The following FAM151B variants were observed in gnomAD, a reference collection of about 807,000 sequenced individuals.
FAM151B encodes the protein family with sequence similarity 151 member B.
Under a neutral mutation model 31.2 loss-of-function variants are expected in FAM151B, and 24 were observed. The ratio of observed to expected loss-of-function variants is 0.77; its 90% CI spans 0.56 to 1.08. The LOEUF (loss-of-function observed/expected upper bound fraction) is 1.08, where lower values mean the gene tolerates loss of function less well. Ranked by LOEUF, FAM151B falls within the 50% of genes least tolerant of loss-of-function variation. The pLI, the probability that FAM151B is intolerant of heterozygous loss-of-function variation, is 0.00. For synonymous variants in FAM151B, 105 were observed against 111.4 expected, an observed-to-expected ratio of 0.94 and a Z score of 0.36; for missense variants, 293 against 328.6, an observed-to-expected ratio of 0.89 and a Z score of 0.84.
At position 80,522,074 on chromosome 5, in the gene FAM151B, G is replaced by C; in HGVS notation, c.607G>C (p.Val203Leu). Residue 203 changes from valine to leucine, a missense_variant, in exon 5 of 6, where the codon GTC becomes CTC. Val to Leu is a conservative substitution (Grantham distance 32). Coordinates refer to ENST00000282226, the MANE Select transcript of FAM151B (RefSeq NM_205548.3). ...NELSQPVTFPVRAALVRQSCS... is the reference protein window; with the variant it reads ...NELSQPVTFPLRAALVRQSCS... ...ACTAAGTCAGCCTGTAACGTTCCCT[G>C]TCAGAGCAGCATTAGTCAGGCAGTC... 3 of 1,613,234 alleles carry C rather than the reference G, an allele frequency of 1.9e-6. No homozygotes were observed. Among genetic ancestry groups the C allele is most frequent in the Non-Finnish European group, 2.5e-6 (3 of 1,179,360 alleles).
At chr5:80,498,593 A>C in intron 1 of FAM151B, 1 of 1,061,316 alleles carries the variant, frequency 9.4e-7, no homozygotes, top group South Asian at 1.2e-5. Context: ...AATGTCTGTC[A>C]AAGTAGCTTG....
In FAM151B at chr5:80,514,874, G is replaced by A. The variant is rs891330383; in HGVS notation, c.317+1105G>A. 3.9e-5 allele frequency among the ~76,000 whole-genome samples: 6 copies of A among 152,142 alleles called. No individual in the cohort carries two copies. The East Asian group carries it at 1.2e-3, about 29-fold the overall frequency. ...TTATACCGTTAGTGAATGAATAGAT[G>A]TATAAAATCTTGATATACAGGAGTT... On this transcript the variant is annotated intron_variant, in intron 3 of 5. Coordinates refer to ENST00000282226, the MANE Select transcript of FAM151B (RefSeq NM_205548.3).
intron 1 of FAM151B, among the ~76,000 whole-genome samples, chr5:80,495,557 G>A (rs1413363952): frequency 1.3e-5 from 2 of 152,130 alleles, no homozygotes; most frequent in African/African-American, 4.8e-5. Flanking sequence ...AGGGCAGGGC[G>A]CAGCGGCTCA....
chr5:80,501,813 T>C lies in FAM151B; in HGVS notation c.47T>C (p.Leu16Pro), dbSNP rs1743760041. 1.9e-6 allele frequency: 3 copies of C among 1,602,020 alleles called. No individual in the cohort carries two copies. The highest frequency in any genetic ancestry group is 2.6e-6 in the Non-Finnish European group (3 of 1,172,062). The change falls in exon 2 of 6, where the codon CTG becomes CCG. Residue 16 changes from leucine to proline, a missense_variant. Coordinates refer to ENST00000282226, the MANE Select transcript of FAM151B (RefSeq NM_205548.3). ...GGPGSWSENI[L>P]EYFLRNSQIT... ...TTAGGATCTTGGAGTGAAAATATAC[T>C]GGAATATTTTCTGAGAAATAGCCAG...
chr5:80,498,388 A>T, intron 1 of FAM151B: 1 of 341,480 alleles, frequency 2.9e-6, no homozygotes, highest in East Asian at 6.7e-5. Context: ...TATGTTAGTT[A>T]GAATTTGTCT....
chr5:80,500,710 G>C (rs918618965), intron 1 of FAM151B: 1 of 825,490 alleles, frequency 1.2e-6, no homozygotes, highest in Admixed American at 1.7e-5. Flanking sequence ...AGCTCAACAG[G>C]CTTCAGTTAA....
At position 80,514,476 on chromosome 5, in the gene FAM151B, A is replaced by AAATAATAAT. The variant is rs139355800; in HGVS notation, c.317+745_317+753dup. 2.5e-3 allele frequency among the ~76,000 whole-genome samples: 353 copies of AAATAATAAT among 139,338 alleles called. 1 individual carries two copies. Among genetic ancestry groups the AAATAATAAT allele is most frequent in the African/African-American group, 5.9e-3 (224 of 37,992 alleles). 91.4% of individuals were successfully genotyped at this position (139,338 alleles called of 152,430 possible). On this transcript the variant is annotated intron_variant, in intron 3 of 5. Transcript: ENST00000282226. ...GGCTACAAGAGTGAAACTCCCTCTC[A>AAATAATAAT]AATAATAATAATAATAATAATAATA...
intron 1 of FAM151B, among the ~76,000 whole-genome samples, chr5:80,494,464 C>CTTTTCT (rs375414697): frequency 0.012 from 531 of 45,336 alleles, 11 homozygotes; most frequent in African/African-American, 0.041. Flanking sequence ...TCTTTTCTTT[C>CTTTTCT]TTTCTTTCTT....
At chr5:80,516,216 C>T (rs982237761) in intron 3 of FAM151B, among the ~76,000 whole-genome samples, 4 of 152,142 alleles carry the variant, frequency 2.6e-5, no homozygotes. Flanking sequence ...CCCAGCTATT[C>T]GGAAGGCTGA....
chr5:80,528,941 T>G lies in FAM151B; in HGVS notation c.671+6803T>G, dbSNP rs916440586. 2.6e-5 allele frequency among the ~76,000 whole-genome samples: 4 copies of G among 152,170 alleles called. No homozygotes were observed. In the East Asian group the frequency reaches 7.7e-4, roughly 29 times the overall value. ...CAGATCAACAAAATATACATTCTTC[T>G]CAGCACCACATCGCATTTATTCCAA... is the stretch of plus-strand genomic sequence containing the variant. On this transcript the variant is annotated intron_variant, in intron 5 of 5. Transcript: ENST00000282226.
intron 1 of FAM151B, 117 bp downstream of exon 1, chr5:80,488,265 C>A: frequency 7.9e-7 from 1 of 1,273,148 alleles, no homozygotes; most frequent in Non-Finnish European, 1.0e-6. Flanking sequence ...TGGGAGCGCG[C>A]CGCGCAGAAC....
At chr5:80,531,272 G>A (rs558220329) in intron 5 of FAM151B, among the ~76,000 whole-genome samples, 1 of 152,080 alleles carries the variant, frequency 6.6e-6, no homozygotes. Context: ...TAGACCTAAA[G>A]CCATAAAAAC....
At chr5:80,536,669 A>T (rs1358254515) in intron 5 of FAM151B, among the ~76,000 whole-genome samples, 1 of 152,192 alleles carries the variant, frequency 6.6e-6, no homozygotes, top group Non-Finnish European at 1.5e-5. Context: ...AGATGAATAG[A>T]TTAAAGTATA....
intron 1 of FAM151B, among the ~76,000 whole-genome samples, chr5:80,495,806 G>A (rs900186884): frequency 8.3e-6 from 1 of 121,016 alleles, no homozygotes; most frequent in Non-Finnish European, 1.6e-5. Context: ...ACTCCAGCCT[G>A]GGCGAAAGAG....
intron 1 of FAM151B, among the ~76,000 whole-genome samples, chr5:80,497,062 C>T (rs1235936923): frequency 1.3e-5 from 2 of 151,804 alleles, no homozygotes; most frequent in Admixed American, 6.6e-5. Flanking sequence ...CTGCCCACCT[C>T]GACCTCCCAA....
intron 5 of FAM151B, among the ~76,000 whole-genome samples, chr5:80,532,508 A>G (rs376152597): frequency 1.8e-4 from 27 of 152,320 alleles, no homozygotes; most frequent in Middle Eastern, 3.4e-3. Flanking sequence ...ATATAAAGCA[A>G]ATATTATTAG....
At chr5:80,504,514 CTTTTTTT>C (rs11340979) in intron 2 of FAM151B, among the ~76,000 whole-genome samples, 5 of 58,716 alleles carry the variant, frequency 8.5e-5, no homozygotes, top group African/African-American at 3.4e-4. Flanking sequence ...GACTATTACT[CTTTTTTT>C]TTTTTTTTTT....
At chr5:80,529,073 A>T (rs1277128257) in intron 5 of FAM151B, among the ~76,000 whole-genome samples, 1 of 152,216 alleles carries the variant, frequency 6.6e-6, no homozygotes, top group Non-Finnish European at 1.5e-5. Flanking sequence ...ACAACTCAGG[A>T]TTAAGAAACT....
At chr5:80,525,023 TG>T (rs1045346081) in intron 5 of FAM151B, among the ~76,000 whole-genome samples, 46 of 152,272 alleles carry the variant, frequency 3.0e-4, no homozygotes, top group Middle Eastern at 3.4e-3. Context: ...CTGTACTTTC[TG>T]GAGAAGTAGT....
Sources: allele counts gnomAD v4.1 joint callset (sites outside exome capture counted in the v4.1 genomes callset), GRCh38; gene constraint gnomAD v4.1.1; transcripts MANE v1.5; gene names NCBI Gene and HGNC (gene_info 2026-07-23, HGNC 2026-07-21).